Variants in CTXND1 observed in about 807,000 individuals in gnomAD.
CTXND1 encodes cortexin domain containing 1, also known as cortexin domain-containing 1 protein.
At position 80,204,267 on chromosome 15, in the gene CTXND1, C is replaced by T. The variant is rs550839550; in HGVS notation, c.-217-527G>A. On this transcript the variant is annotated intron_variant, in intron 1 of 2. Coordinates refer to ENST00000560778, the MANE Select transcript of CTXND1 (RefSeq NM_001352888.2). ...AAACTTAAAAAAATGTGACCACATA[C>T]ACATAATATAAAATCTACCATCTTG... 4.8e-5 allele frequency among the ~76,000 whole-genome samples: 7 copies of T among 144,550 alleles called. No individual in the cohort carries two copies. In the South Asian group the frequency reaches 1.6e-3, roughly 32 times the overall value. 94.8% of individuals were successfully genotyped at this position (144,550 alleles called of 152,430 possible).
rs2041430626 is a variant in CTXND1 at position 80,198,306 on chromosome 15, G to A, written c.*3464C>T. ...ACTGGCCACTAGGCACCATTGCCTG[G>A]AAAACCCACCACCCATTCTCTGCTT... On this transcript the variant is annotated 3_prime_UTR_variant, in exon 3 of 3. Transcript: ENST00000560778. The A allele has an allele frequency of 6.6e-6, 1 of 152,294 alleles. No homozygotes were observed. The highest frequency in any genetic ancestry group is 6.5e-5 in the Admixed American group (1 of 15,280). 9.4% of individuals were successfully genotyped at this position (152,294 alleles called of 1,614,324 possible).
At chr15:80,239,998 T>C (rs11639297) in intron 1 of CTXND1, among the ~76,000 whole-genome samples, 20,578 of 152,248 alleles carry the variant, frequency 0.14, 1,781 homozygotes, top group Non-Finnish European at 0.19. Flanking sequence ...GGAGTTTTGC[T>C]CTTGTTGCCC....
intron 1 of CTXND1, among the ~76,000 whole-genome samples, chr15:80,208,158 A>C (rs1893169607): frequency 6.6e-6 from 1 of 152,208 alleles, no homozygotes. Flanking sequence ...ACAGTGAAAA[A>C]CTGGGAACAA....
intron 1 of CTXND1, among the ~76,000 whole-genome samples, chr15:80,223,133 C>T (rs1893335091): frequency 6.6e-6 from 1 of 152,060 alleles, no homozygotes; most frequent in African/African-American, 2.4e-5. Context: ...GGCTGGAATC[C>T]AATGGCGCGC....
intron 1 of CTXND1, among the ~76,000 whole-genome samples, chr15:80,213,218 AT>A (rs1218546596): frequency 6.6e-6 from 1 of 152,132 alleles, no homozygotes; most frequent in Non-Finnish European, 1.5e-5. Context: ...AGATTATGAG[AT>A]TTTGGACTTT....
intron 1 of CTXND1, among the ~76,000 whole-genome samples, chr15:80,220,371 T>G (rs1893302181): frequency 6.6e-6 from 1 of 152,240 alleles, no homozygotes; most frequent in Non-Finnish European, 1.5e-5. Context: ...TCCATCTACA[T>G]GAGTTCATTT....
At chr15:80,236,321 T>C (rs1893494656) in intron 1 of CTXND1, among the ~76,000 whole-genome samples, 1 of 152,148 alleles carries the variant, frequency 6.6e-6, no homozygotes, top group African/African-American at 2.4e-5. Context: ...TTTCAGCGAA[T>C]GTACAGTTCT....
rs955414825 is a variant in CTXND1, at chr15:80,199,043, G to A, written c.*2727C>T. 1 of 152,166 alleles carries A rather than the reference G, an allele frequency of 6.6e-6. No individual in the cohort carries two copies. The highest frequency in any genetic ancestry group is 6.5e-5 in the Admixed American group (1 of 15,270). The allele number at this position is 152,166 out of a possible 1,614,324, so 9.4% of individuals were successfully genotyped here. A position where few individuals can be genotyped will look rare whatever the true frequency, so the allele number is the denominator to read the frequency against. On this transcript the variant is annotated 3_prime_UTR_variant, in exon 3 of 3. Coordinates refer to ENST00000560778, the MANE Select transcript of CTXND1 (RefSeq NM_001352888.2). ...ATATGGACACAAAATGAAAATTGCTGTTTTTTGGAGGCTTGGGTTGGGAGT... is the reference window on the plus strand; with the variant it reads ...ATATGGACACAAAATGAAAATTGCTATTTTTTGGAGGCTTGGGTTGGGAGT...
At chr15:80,251,585 C>T (rs937983577) in intron 1 of CTXND1, among the ~76,000 whole-genome samples, 3 of 152,232 alleles carry the variant, frequency 2.0e-5, no homozygotes, top group African/African-American at 7.2e-5. Context: ...CTCCCCAAAC[C>T]CCTCAATGGC....
chr15:80,204,959 C>A (rs1018888849), intron 1 of CTXND1, among the ~76,000 whole-genome samples: 1 of 152,148 alleles, frequency 6.6e-6, no homozygotes, highest in Non-Finnish European at 1.5e-5. Context: ...TTTTTACTAC[C>A]CCTCTCCCCA....
chr15:80,223,259 G>A (rs557650570), intron 1 of CTXND1, among the ~76,000 whole-genome samples: 6 of 152,268 alleles, frequency 3.9e-5, no homozygotes, highest in Non-Finnish European at 8.8e-5. Flanking sequence ...GTTTCTCCAT[G>A]TTGGTTAGGC....
At position 80,206,106 on chromosome 15, in the gene CTXND1, T is replaced by A. The variant is rs190332020; in HGVS notation, c.-217-2366A>T. On this transcript the variant is annotated intron_variant, in intron 1 of 2. Transcript: ENST00000560778. ...TTAACGTTTTGCTGCATTTTAAAAA[T>A]TTCATAGTTACCCACCTATCCATCC... Among the ~76,000 whole-genome samples, 1,101 of 152,328 alleles carry A rather than the reference T, an allele frequency of 7.2e-3. 3 individuals carry two copies. Among genetic ancestry groups the A allele is most frequent in the Non-Finnish European group, 0.011 (750 of 68,014 alleles).
At chr15:80,204,735 G>A (rs995717586) in intron 1 of CTXND1, among the ~76,000 whole-genome samples, 2 of 150,212 alleles carry the variant, frequency 1.3e-5, no homozygotes, top group African/African-American at 4.9e-5. Flanking sequence ...CCTTTTGGCT[G>A]TGTAAATAGT....
intron 1 of CTXND1, among the ~76,000 whole-genome samples, chr15:80,213,071 G>A (rs1237359319): frequency 6.6e-6 from 1 of 152,156 alleles, no homozygotes; most frequent in African/African-American, 2.4e-5. Context: ...AAATGAGAAT[G>A]CATGTAACTG....
chr15:80,247,541 G>A (rs981409744), intron 1 of CTXND1, among the ~76,000 whole-genome samples: 3 of 151,960 alleles, frequency 2.0e-5, no homozygotes, highest in African/African-American at 4.8e-5. Flanking sequence ...TTAGTCATAG[G>A]TCGAGATCTG....
At position 80,219,098 on chromosome 15, in the gene CTXND1, A is replaced by ATT. The variant is rs201058816; in HGVS notation, c.-217-15360_-217-15359dup. On this transcript the variant is annotated intron_variant, in intron 1 of 2. Coordinates refer to ENST00000560778, the MANE Select transcript of CTXND1 (RefSeq NM_001352888.2). ...AGGTGCGCACTACCACTCCCAGCTA[A>ATT]TTTTTTTTTTTTTTTGTATTTTTTT... Among the ~76,000 whole-genome samples the ATT allele has an allele frequency of 1.2e-3, 168 of 138,220 alleles. 1 individual carries two copies. Among genetic ancestry groups the ATT allele is most frequent in the East Asian group, 9.7e-3 (46 of 4,754 alleles). The allele number at this position is 138,220 out of a possible 152,430, so 90.7% of individuals were successfully genotyped here.
At chr15:80,228,201 C>T (rs774031299) in intron 1 of CTXND1, among the ~76,000 whole-genome samples, 6 of 152,222 alleles carry the variant, frequency 3.9e-5, no homozygotes, top group Admixed American at 1.3e-4. Context: ...ACCACATCTG[C>T]GGTTACTTCC....
chr15:80,222,178 T>C (rs541397816), intron 1 of CTXND1, among the ~76,000 whole-genome samples: 1 of 152,326 alleles, frequency 6.6e-6, no homozygotes, highest in South Asian at 2.1e-4. Context: ...TTAAGGTTTA[T>C]ATTCTTTTTG....
intron 1 of CTXND1, among the ~76,000 whole-genome samples, chr15:80,229,663 A>G (rs1451131803): frequency 6.6e-6 from 1 of 152,178 alleles, no homozygotes; most frequent in Non-Finnish European, 1.5e-5. Context: ...TTCCTACGGT[A>G]TTTTGGCTTT....
Sources: gnomAD v4.1 joint callset for allele counts (sites outside exome capture counted in the v4.1 genomes callset) on GRCh38, gnomAD v4.1.1 for gene constraint, MANE v1.5 for transcripts, NCBI Gene and HGNC (gene_info 2026-07-23, HGNC 2026-07-21) for gene names.